CACNA1D: variants seen among roughly 807,000 people sequenced by gnomAD.
The protein encoded by CACNA1D is calcium voltage-gated channel subunit alpha1 D, also known as voltage-dependent L-type calcium channel subunit alpha-1D.
CACNA1D carries 55 observed loss-of-function variants against 257.1 expected under a neutral mutation model. The observed-to-expected ratio is 0.21, with a 90% CI of 0.17 to 0.27. The LOEUF is 0.27. Among genes scored for constraint, CACNA1D ranks in the 10% least tolerant of loss-of-function variants. CACNA1D has a pLI of 1.00. For synonymous variants in CACNA1D, 980 were observed against 1,014.9 expected (o/e 0.97, Z 0.65); for missense variants, 1,876 against 2,784.0 (o/e 0.67, Z 7.34).
At chr3:53,766,376 C>T (rs2095332102) in intron 30 of CACNA1D, among the ~76,000 whole-genome samples, 1 of 152,214 alleles carries the variant, frequency 6.6e-6, no homozygotes, top group East Asian at 1.9e-4. Context: ...AGAGGTGTTA[C>T]CTGTGAGCTC....
chr3:53,519,910 T>C (rs1431445109), intron 3 of CACNA1D, among the ~76,000 whole-genome samples: 2 of 152,190 alleles, frequency 1.3e-5, no homozygotes, highest in East Asian at 3.9e-4. Flanking sequence ...TCATACAATA[T>C]GTGTCCTTTT....
chr3:53,702,940 C>A, intron 9 of CACNA1D, 130 bp downstream of exon 9: 1 of 922,972 alleles, frequency 1.1e-6, no homozygotes, highest in Non-Finnish European at 1.7e-6. Context: ...CTGGTCCCTT[C>A]TGCCTGCACA....
chr3:53,589,714 A>G (rs973215882), intron 3 of CACNA1D, among the ~76,000 whole-genome samples: 1 of 152,080 alleles, frequency 6.6e-6, no homozygotes, highest in African/African-American at 2.4e-5. Flanking sequence ...GCCTCGAGTG[A>G]TCCTCCCTTC....
intron 39 of CACNA1D, among the ~76,000 whole-genome samples, chr3:53,783,501 C>T (rs185145073): frequency 1.5e-3 from 226 of 152,240 alleles, no homozygotes; most frequent in African/African-American, 5.1e-3. Context: ...TATTCCACAA[C>T]GGCAGCGAGA....
chr3:53,551,868 G>A (rs1449951202), intron 3 of CACNA1D, among the ~76,000 whole-genome samples: 4 of 152,190 alleles, frequency 2.6e-5, no homozygotes, highest in Non-Finnish European at 5.9e-5. Flanking sequence ...TGATGGTGAG[G>A]TCTTTCACTT....
chr3:53,550,285 G>A (rs1203446025), intron 3 of CACNA1D, among the ~76,000 whole-genome samples: 1 of 152,288 alleles, frequency 6.6e-6, no homozygotes, highest in Non-Finnish European at 1.5e-5. Context: ...GCGCAGAGGA[G>A]CAGTGTGGTT....
intron 8 of CACNA1D, among the ~76,000 whole-genome samples, chr3:53,694,904 C>T (rs1198028898): frequency 6.6e-6 from 1 of 152,126 alleles, no homozygotes; most frequent in Non-Finnish European, 1.5e-5. Flanking sequence ...TCAGGCTGTG[C>T]TTGTTTCAGA....
intron 27 of CACNA1D, 35 bp downstream of exon 27, chr3:53,749,504 T>C (rs764449183): frequency 1.4e-6 from 2 of 1,468,550 alleles, no homozygotes; most frequent in Non-Finnish European, 9.5e-7. Flanking sequence ...TTCTGTCCCT[T>C]GGTCAGGAGC....
chr3:53,608,844 G>T (rs888110713), intron 3 of CACNA1D, among the ~76,000 whole-genome samples: 5 of 152,106 alleles, frequency 3.3e-5, no homozygotes, highest in African/African-American at 4.8e-5. Flanking sequence ...TGTGGTGATG[G>T]TGCCTTATCC....
chr3:53,737,135 C>T (rs375543072), intron 20 of CACNA1D, among the ~76,000 whole-genome samples: 4 of 152,070 alleles, frequency 2.6e-5, no homozygotes, highest in South Asian at 2.1e-4. Flanking sequence ...CCCGTCTCTA[C>T]TAAAAATACC....
chr3:53,679,611 T>G (rs2094410297), intron 8 of CACNA1D: 1 of 152,220 alleles, frequency 6.6e-6, no homozygotes, highest in African/African-American at 2.4e-5. Context: ...AGGGGAGGAC[T>G]CTTTGTAGAT....
intron 3 of CACNA1D, among the ~76,000 whole-genome samples, chr3:53,527,052 T>C (rs898347724): frequency 7.9e-5 from 12 of 152,238 alleles, no homozygotes; most frequent in Non-Finnish European, 1.6e-4. Flanking sequence ...CCTCACAGAA[T>C]GTATAGTACT....
intron 19 of CACNA1D, among the ~76,000 whole-genome samples, chr3:53,733,914 GTGTGTGTGTGTGTGTT>G (rs1172958617): frequency 3.1e-5 from 3 of 98,240 alleles, no homozygotes; most frequent in Non-Finnish European, 6.3e-5. Flanking sequence ...ACAGCCCTTT[GTGTGTGTGTGTGTGTT>G]TGTGTGTGTG....
chr3:53,736,888 TAAAA>T (rs569401400), intron 20 of CACNA1D, among the ~76,000 whole-genome samples: 1 of 121,528 alleles, frequency 8.2e-6, no homozygotes. Flanking sequence ...ACCCTGTCTC[TAAAA>T]AAAAAAAAAA....
At chr3:53,595,292 G>A (rs983232679) in intron 3 of CACNA1D, among the ~76,000 whole-genome samples, 3 of 152,178 alleles carry the variant, frequency 2.0e-5, no homozygotes, top group South Asian at 2.1e-4. Context: ...ATGCAGTCAC[G>A]GGAGGACCAG....
chr3:53,574,074 G>A (rs1298921398), intron 3 of CACNA1D, among the ~76,000 whole-genome samples: 6 of 152,148 alleles, frequency 3.9e-5, no homozygotes, highest in Non-Finnish European at 7.3e-5. Flanking sequence ...AGGAGGAAGG[G>A]CAAGAAGATG....
In CACNA1D at chr3:53,786,965, C is replaced by T. The variant is rs1224485315; in HGVS notation, c.4923+13C>T. The T allele has an allele frequency of 3.1e-6, 5 of 1,613,568 alleles. No homozygotes were observed. Among genetic ancestry groups the T allele is most frequent in the Non-Finnish European group, 4.2e-6 (5 of 1,179,606 alleles). Reference sequence around the variant, plus strand: ...AATTGCCCTACAGGTGAATTGTTGTCTCATTTTGTTTTCTCTTTTGACTAA... The same window carrying T: ...AATTGCCCTACAGGTGAATTGTTGTTTCATTTTGTTTTCTCTTTTGACTAA... On this transcript the variant is annotated intron_variant, in intron 40 of 47. Coordinates refer to ENST00000350061, the MANE Select transcript of CACNA1D (RefSeq NM_001128840.3).
intron 9 of CACNA1D, among the ~76,000 whole-genome samples, chr3:53,706,077 A>T (rs970996407): frequency 6.6e-6 from 1 of 151,686 alleles, no homozygotes; most frequent in South Asian, 2.1e-4. Context: ...CGTGCCTTCC[A>T]CTCCAACCCT....
chr3:53,707,111 G>C (rs548738203), intron 9 of CACNA1D, among the ~76,000 whole-genome samples: 1 of 152,156 alleles, frequency 6.6e-6, no homozygotes, highest in South Asian at 2.1e-4. Flanking sequence ...TCAGGGAACA[G>C]ATGTCAAATC....
Sources: gnomAD v4.1 joint callset for allele counts (sites outside exome capture counted in the v4.1 genomes callset) on GRCh38, gnomAD v4.1.1 for gene constraint, MANE v1.5 for transcripts, NCBI Gene and HGNC (gene_info 2026-07-23, HGNC 2026-07-21) for gene names.